Variants in SATB2 observed in about 807,000 individuals in gnomAD.
SATB2 encodes SATB homeobox 2.
In SATB2, 1 loss-of-function variant was observed where a neutral mutation model predicts 73.4. That is an observed-to-expected ratio of 0.01 (90% CI 0.00 to 0.06). The LOEUF is 0.06. Among genes scored for constraint, SATB2 ranks in the 10% least tolerant of loss-of-function variants. The probability of loss-of-function intolerance (pLI) is 1.00; values close to 1 mark genes in which losing one functional copy is unlikely to be tolerated. For missense variants in SATB2, 459 were observed against 945.8 expected (o/e 0.49, Z 6.75); for synonymous variants, 397 against 367.0 (o/e 1.08, Z -0.93).
chr2:199,421,096 T>C (rs1691153160), intron 3 of SATB2, among the ~76,000 whole-genome samples: 1 of 151,952 alleles, frequency 6.6e-6, no homozygotes, highest in South Asian at 2.1e-4. Flanking sequence ...GCCGCATGAC[T>C]CCAGAAATAC....
At position 199,404,153 on chromosome 2, in the gene SATB2, T is replaced by G. The variant is rs987240751; in HGVS notation, c.347-22333A>C. ...CCCAAGATGACTGCCAAAGGGGACA[T>G]GTAGCCAATGTCTCCTCAGTGAAAG... On this transcript the variant is annotated intron_variant, in intron 3 of 10. Coordinates refer to ENST00000417098, the MANE Select transcript of SATB2 (RefSeq NM_001172509.2). Among the ~76,000 whole-genome samples the G allele has an allele frequency of 2.6e-5, 4 of 152,194 alleles. No homozygotes were observed. In the East Asian group the frequency reaches 5.8e-4, roughly 22 times the overall value.
intron 3 of SATB2, among the ~76,000 whole-genome samples, chr2:199,389,595 G>A (rs953194242): frequency 2.6e-5 from 4 of 152,098 alleles, no homozygotes; most frequent in Admixed American, 2.6e-4. Flanking sequence ...ATCAAGAGAT[G>A]CAAGTGTGTG....
chr2:199,435,669 G>A (rs1335287545), intron 2 of SATB2, among the ~76,000 whole-genome samples: 1 of 152,148 alleles, frequency 6.6e-6, no homozygotes, highest in Non-Finnish European at 1.5e-5. Context: ...AGTCATTCAT[G>A]TATCCAGGAT....
At chr2:199,436,626 A>C (rs2105932658) in intron 2 of SATB2, among the ~76,000 whole-genome samples, 1 of 152,300 alleles carries the variant, frequency 6.6e-6, no homozygotes, top group East Asian at 1.9e-4. Context: ...TATGGTTTTT[A>C]TAATGAAATG....
chr2:199,298,532 T>C (rs112891698), intron 10 of SATB2, among the ~76,000 whole-genome samples: 1 of 152,196 alleles, frequency 6.6e-6, no homozygotes, highest in African/African-American at 2.4e-5. Context: ...AGTAAGACAG[T>C]CCAAAATGCT....
At chr2:199,377,606 A>G (rs1410652897) in intron 5 of SATB2, among the ~76,000 whole-genome samples, 1 of 152,172 alleles carries the variant, frequency 6.6e-6, no homozygotes, top group Non-Finnish European at 1.5e-5. Context: ...AGAGGGAAGA[A>G]GGTAGCTCTA....
chr2:199,390,084 T>C (rs2038446690), intron 3 of SATB2, among the ~76,000 whole-genome samples: 1 of 151,902 alleles, frequency 6.6e-6, no homozygotes, highest in Non-Finnish European at 1.5e-5. Context: ...ATAAAGACCT[T>C]ATTGAAAAAA....
chr2:199,338,761 C>T (rs561405020), intron 7 of SATB2, among the ~76,000 whole-genome samples: 2 of 151,256 alleles, frequency 1.3e-5, no homozygotes, highest in East Asian at 3.9e-4. Flanking sequence ...TACTAAAATA[C>T]AAAAAATTGG....
At position 199,272,115 on chromosome 2, in the gene SATB2, A is replaced by G. The variant is rs1692174415; in HGVS notation, c.*96T>C. On this transcript the variant is annotated 3_prime_UTR_variant, in exon 11 of 11. Coordinates refer to ENST00000417098, the MANE Select transcript of SATB2 (RefSeq NM_001172509.2). This position sits in a 1 kb window ranked among gnomAD's most constrained non-coding sequence, Gnocchi z 6.7. The stretch of plus-strand genomic sequence containing the variant: ...AAAAATAAAGCCAAAAAAACCCAAA[A>G]ACAAAAACAAAAAACAAACTAACAA... 7.7e-7 allele frequency: 1 copy of G among 1,302,072 alleles called. No homozygotes were observed. The highest frequency in any genetic ancestry group is 1.5e-5 in the African/African-American group (1 of 68,734). 80.7% of individuals were successfully genotyped at this position (1,302,072 alleles called of 1,614,324 possible).
intron 7 of SATB2, among the ~76,000 whole-genome samples, chr2:199,332,665 C>T (rs1688221641): frequency 6.6e-6 from 1 of 152,004 alleles, no homozygotes; most frequent in South Asian, 2.1e-4. Context: ...AATTAAATGA[C>T]CTTACAGATT....
chr2:199,415,063 A>T (rs1690934247), intron 3 of SATB2, among the ~76,000 whole-genome samples: 1 of 152,208 alleles, frequency 6.6e-6, no homozygotes, highest in Non-Finnish European at 1.5e-5. Flanking sequence ...TGCAACAGAG[A>T]ATATGTAATT....
At chr2:199,388,664 C>T (rs1690030492) in intron 3 of SATB2, among the ~76,000 whole-genome samples, 1 of 151,982 alleles carries the variant, frequency 6.6e-6, no homozygotes, top group Non-Finnish European at 1.5e-5. Flanking sequence ...AAAATGAAAA[C>T]TCAACCTGAG....
intron 7 of SATB2, among the ~76,000 whole-genome samples, chr2:199,337,181 T>C (rs1422465445): frequency 6.6e-6 from 1 of 152,078 alleles, no homozygotes; most frequent in Non-Finnish European, 1.5e-5. Flanking sequence ...TTACAGGAAA[T>C]GGAATAATTA....
intron 10 of SATB2, among the ~76,000 whole-genome samples, chr2:199,276,474 T>C (rs1160658996): frequency 6.6e-6 from 1 of 152,212 alleles, no homozygotes; most frequent in African/African-American, 2.4e-5. Context: ...CTGAGAGTCA[T>C]GCCATTGATT....
intron 3 of SATB2, among the ~76,000 whole-genome samples, chr2:199,418,837 C>G (rs556380412): frequency 1.3e-5 from 2 of 152,248 alleles, no homozygotes; most frequent in East Asian, 3.9e-4. Flanking sequence ...ATCTGCTGTA[C>G]GGAGTTCCTT....
At chr2:199,405,046 G>T (rs562365588) in intron 3 of SATB2, among the ~76,000 whole-genome samples, 4 of 152,174 alleles carry the variant, frequency 2.6e-5, no homozygotes, top group Non-Finnish European at 5.9e-5. Context: ...GGCTGAATGT[G>T]AGTTGGCAAA....
intron 6 of SATB2, among the ~76,000 whole-genome samples, chr2:199,363,773 A>G (rs1401189802): frequency 6.6e-6 from 1 of 152,200 alleles, no homozygotes; most frequent in East Asian, 1.9e-4. Flanking sequence ...GTCAGTATAA[A>G]ATACGTAAGT....
At chr2:199,397,095 C>G (rs774560133) in intron 3 of SATB2, 1 of 151,784 alleles carries the variant, frequency 6.6e-6, no homozygotes, top group Non-Finnish European at 1.5e-5. Context: ...AAGTCATGTA[C>G]TTTCATAGAT....
chr2:199,446,698 A>G (rs1173213226), intron 2 of SATB2, among the ~76,000 whole-genome samples: 1 of 152,238 alleles, frequency 6.6e-6, no homozygotes, highest in Non-Finnish European at 1.5e-5. Flanking sequence ...TGCTGACAAA[A>G]GCATTTTAAT....
Sources: allele counts gnomAD v4.1 joint callset (sites outside exome capture counted in the v4.1 genomes callset), GRCh38; gene constraint gnomAD v4.1.1; non-coding constraint Gnocchi (gnomAD v3.1); transcripts MANE v1.5; gene names NCBI Gene and HGNC (gene_info 2026-07-23, HGNC 2026-07-21).